PCDHA5: variants seen among roughly 807,000 people sequenced by gnomAD.
PCDHA5 encodes the protein protocadherin alpha-5.
A neutral mutation model predicts 61.6 loss-of-function variants in PCDHA5; 43 were observed. The ratio of observed to expected loss-of-function variants is 0.70; its 90% CI spans 0.55 to 0.90. The LOEUF (loss-of-function observed/expected upper bound fraction) is 0.90. PCDHA5 is among the 40% of genes least tolerant of loss of function. The pLI is 0.00. For synonymous variants in PCDHA5, 627 were observed against 543.9 expected, an observed-to-expected ratio of 1.15 and a Z score of -2.13; for missense variants, 1,298 against 1,222.7, an observed-to-expected ratio of 1.06 and a Z score of -0.92.
Position 140,968,052 on chromosome 5 carries a change from G to A in PCDHA5, c.2353-10897G>A, listed in dbSNP as rs990784546. ...CTGGTGGTGAGCGGCCCACTGGACC[G>A]AGAGCGGGTGGCTGTCTACAACATC... On this transcript the variant is annotated intron_variant, in intron 1 of 3. Transcript: ENST00000529859. The A allele has an allele frequency of 5.0e-6, 8 of 1,614,014 alleles. No homozygotes were observed. In the Admixed American group the frequency reaches 5.0e-5, roughly 10 times the overall value.
In PCDHA5 at chr5:140,858,243, C is replaced by T. The variant is rs781796341; in HGVS notation, c.2352+34116C>T. On this transcript the variant is annotated intron_variant, in intron 1 of 3. Transcript: ENST00000529859. ...GCGCCCACCGAGGGCGCATGTGGGC[C>T]GGTGAAGCCCACGCTGGTGTGCTCT... The T allele has an allele frequency of 6.9e-6, 11 of 1,595,896 alleles. No homozygotes were observed. The highest frequency in any genetic ancestry group is 6.9e-6 in the Non-Finnish European group (8 of 1,165,828).
rs781866730 is a variant in PCDHA5 at position 141,009,887 on chromosome 5, CAG to C, written c.2762_2763del (p.Gln921ArgfsTer11). ...GAAAAAGAAGAAGGGTAACAAGACCCAGGAGAAAAAAGAGAAAGGGAACAGCA... is the reference window on the plus strand; with the variant it reads ...GAAAAAGAAGAAGGGTAACAAGACCCGAGAAAAAAGAGAAAGGGAACAGCA... ...KKKKKKGNKTQEKKEKGNSTT... is the reference protein window; with the variant it reads ...KKKKKKGNKTXEKKEKGNSTT... On this transcript the variant is annotated frameshift_variant, in exon 4 of 4. Transcript: ENST00000529859. LOFTEE classifies it high-confidence loss of function. 1.9e-6 allele frequency: 3 copies of C among 1,612,850 alleles called. No homozygotes were observed. In the South Asian group the frequency reaches 3.3e-5, roughly 18 times the overall value.
intron 1 of PCDHA5, among the ~76,000 whole-genome samples, chr5:140,874,456 A>T (rs1554167207): frequency 6.6e-6 from 1 of 152,236 alleles, no homozygotes; most frequent in Non-Finnish European, 1.5e-5. Flanking sequence ...AATGACCTGT[A>T]GGGGAAGATT....
chr5:140,870,972 G>A, intron 1 of PCDHA5: 2 of 1,613,640 alleles, frequency 1.2e-6, no homozygotes, highest in Non-Finnish European at 1.7e-6. Flanking sequence ...CGTTCCGCGT[G>A]GGGCTGTACA....
intron 1 of PCDHA5, chr5:140,966,877 T>A (rs782616985): frequency 6.3e-7 from 1 of 1,586,572 alleles, no homozygotes; most frequent in Admixed American, 1.8e-5. Context: ...TGCTGCTACC[T>A]GGCCCTGCGG....
At chr5:140,834,559 T>A in intron 1 of PCDHA5, 2 of 1,614,090 alleles carry the variant, frequency 1.2e-6, no homozygotes, top group Middle Eastern at 1.7e-4. Context: ...CTGGCGGAGC[T>A]GGTGCCGCGC....
rs149205606 is a variant in PCDHA5 at position 140,823,338 on chromosome 5, G to A, written c.1563G>A (p.Pro521=). 2 of 1,612,230 alleles carry A rather than the reference G, an allele frequency of 1.2e-6. No individual in the cohort carries two copies. Among genetic ancestry groups the A allele is most frequent in the Non-Finnish European group, 1.7e-6 (2 of 1,179,762 alleles). Residue 521 remains proline, a synonymous_variant, in exon 1 of 4, where the codon CCG becomes CCA. Coordinates refer to ENST00000529859, the MANE Select transcript of PCDHA5 (RefSeq NM_018908.3). The part of the protein sequence containing the change: ...AESGKVYALQ[P]LDHEEVELLQ... ...GCGGCAAGGTGTACGCGCTGCAGCC[G>A]CTGGACCACGAGGAAGTGGAGCTGC...
In PCDHA5 at chr5:140,821,823, C is replaced by G. The variant is rs2150110880; in HGVS notation, c.48C>G (p.Leu16=). The change falls in exon 1 of 4, where the codon CTC becomes CTG. Residue 16 remains leucine, a synonymous_variant. Coordinates refer to ENST00000529859, the MANE Select transcript of PCDHA5 (RefSeq NM_018908.3). ...GTCTGGGATCCCGGCTCCTGCTGCT[C>G]TGGCTTCTCCTTGCCTACTGGAAGG... ...RGSLGSRLLL[L]WLLLAYWKAG... The G allele has an allele frequency of 1.5e-5, 25 of 1,613,970 alleles. No individual in the cohort carries two copies. Among genetic ancestry groups the G allele is most frequent in the African/African-American group, 2.7e-5 (2 of 74,948 alleles).
At chr5:140,835,910 A>G (rs2150248144) in intron 1 of PCDHA5, 5 of 1,612,138 alleles carry the variant, frequency 3.1e-6, no homozygotes, top group Non-Finnish European at 3.4e-6. Context: ...GCTACGTGTC[A>G]GTGCACGCGG....
chr5:140,876,920 A>G (rs782247870), intron 1 of PCDHA5: 1 of 1,613,928 alleles, frequency 6.2e-7, no homozygotes, highest in Non-Finnish European at 8.5e-7. Context: ...TGGGACGCGG[A>G]CGCGCAGAAG....
chr5:140,998,679 C>G (rs969303770), intron 3 of PCDHA5, among the ~76,000 whole-genome samples: 1 of 152,136 alleles, frequency 6.6e-6, no homozygotes, highest in Non-Finnish European at 1.5e-5. Flanking sequence ...ATTCTCCTGC[C>G]TCAGCCTCCC....
In PCDHA5 at chr5:140,927,340, G is replaced by A. The variant is rs77098674; in HGVS notation, c.2353-51609G>A. ...CCGCTTTACTCTCCCGAATGCCCAAGATGACGACGAGGGAAGCAATGGGAT... is the reference window on the plus strand; with the variant it reads ...CCGCTTTACTCTCCCGAATGCCCAAAATGACGACGAGGGAAGCAATGGGAT... On this transcript the variant is annotated intron_variant, in intron 1 of 3. Coordinates refer to ENST00000529859, the MANE Select transcript of PCDHA5 (RefSeq NM_018908.3). The A allele has an allele frequency of 8.1e-6, 13 of 1,614,032 alleles. No individual in the cohort carries two copies. The African/African-American group carries it at 1.5e-4, about 18-fold the overall frequency.
intron 1 of PCDHA5, among the ~76,000 whole-genome samples, chr5:140,950,903 T>C (rs2094530592): frequency 6.6e-6 from 1 of 152,024 alleles, no homozygotes; most frequent in South Asian, 2.1e-4. Context: ...TTTATTTTAT[T>C]TTTATTTTAT....
At chr5:140,894,044 T>C (rs2064295340) in intron 1 of PCDHA5, among the ~76,000 whole-genome samples, 1 of 152,190 alleles carries the variant, frequency 6.6e-6, no homozygotes, top group Admixed American at 6.5e-5. Context: ...ATGTAAGTCC[T>C]CTGTTGAATT....
intron 1 of PCDHA5, among the ~76,000 whole-genome samples, chr5:140,846,143 A>G (rs1780220723): frequency 6.7e-6 from 1 of 149,736 alleles, no homozygotes; most frequent in African/African-American, 2.4e-5. Context: ...TCCCATATTT[A>G]AAAGTTGCCT....
chr5:140,937,259 G>T (rs1306999153), intron 1 of PCDHA5, among the ~76,000 whole-genome samples: 1 of 151,852 alleles, frequency 6.6e-6, no homozygotes, highest in African/African-American at 2.4e-5. Context: ...GGATGGTCTC[G>T]ATCTCCTGAC....
Position 140,823,963 on chromosome 5 carries a change from G to T in PCDHA5, c.2188G>T (p.Val730Leu), listed in dbSNP as rs2150130891. Residue 730 changes from valine (V) to leucine (L), a missense_variant, in exon 1 of 4, where the codon GTG becomes TTG. Physicochemically the swap from Val to Leu is conservative, Grantham distance 32. Coordinates refer to ENST00000529859, the MANE Select transcript of PCDHA5 (RefSeq NM_018908.3). ...GTGCTCGGCGCAGCCCACCGAGGCC[G>T]TGTGCACACGGGGCAAGCCCACTCT... Reference protein sequence around the residue: ...LRCSAQPTEAVCTRGKPTLLC... With the variant: ...LRCSAQPTEALCTRGKPTLLC... The T allele has an allele frequency of 1.9e-6, 3 of 1,614,108 alleles. No individual in the cohort carries two copies. The highest frequency in any genetic ancestry group is 1.3e-5 in the African/African-American group (1 of 75,060).
chr5:140,965,305 A>G (rs2095888625), intron 1 of PCDHA5, among the ~76,000 whole-genome samples: 2 of 152,136 alleles, frequency 1.3e-5, no homozygotes, highest in African/African-American at 4.8e-5. Context: ...TGATCCTTCT[A>G]CCTTCTCTTT....
At chr5:140,871,658 C>G in intron 1 of PCDHA5, 2 of 1,224,216 alleles carry the variant, frequency 1.6e-6, no homozygotes, top group Non-Finnish European at 2.2e-6. Context: ...TGATACACAT[C>G]TTCAGTCTTT....
Sources: allele counts gnomAD v4.1 joint callset (sites outside exome capture counted in the v4.1 genomes callset), GRCh38; gene constraint gnomAD v4.1.1; transcripts MANE v1.5; gene names NCBI Gene and HGNC (gene_info 2026-07-23, HGNC 2026-07-21).